The following MORN1 variants were observed in gnomAD, a reference collection of about 807,000 sequenced individuals.
MORN1 encodes MORN repeat-containing protein 1.
In MORN1, 67 loss-of-function variants were observed where a neutral mutation model predicts 61.9. That is an observed-to-expected ratio of 1.08 (90% CI 0.89 to 1.33). MORN1 has a LOEUF of 1.33. Among genes scored for constraint, MORN1 ranks in the 40% most tolerant of loss-of-function variants. The pLI, the probability that MORN1 is intolerant of heterozygous loss-of-function variation, is 0.00. For synonymous variants in MORN1, 301 were observed against 292.0 expected (o/e 1.03, Z -0.31); for missense variants, 752 against 691.2 (o/e 1.09, Z -0.99).
intron 6 of MORN1, chr1:2,379,276 G>A (rs1642318306): frequency 2.5e-6 from 1 of 398,430 alleles, no homozygotes; most frequent in South Asian, 1.9e-5. Flanking sequence ...CAGAGGTGAA[G>A]GCCAGGAGAG....
intron 4 of MORN1, chr1:2,386,764 A>C (rs779625657): frequency 6.6e-6 from 1 of 152,618 alleles, no homozygotes; most frequent in Non-Finnish European, 1.5e-5. Flanking sequence ...CTGGAAAAAG[A>C]AGCTCCGTCT....
intron 10 of MORN1, among the ~76,000 whole-genome samples, chr1:2,339,704 C>G (rs1641353267): frequency 6.6e-6 from 1 of 152,198 alleles, no homozygotes; most frequent in South Asian, 2.1e-4. Context: ...CTCCTGGGTC[C>G]CCCTCGCCCT....
At position 2,387,506 on chromosome 1, in the gene MORN1, C is replaced by T. The variant is rs747985932; in HGVS notation, c.271G>A (p.Val91Ile). 5.0e-6 allele frequency: 8 copies of T among 1,612,814 alleles called. No individual in the cohort carries two copies. In the African/African-American group the frequency reaches 9.3e-5, roughly 19 times the overall value. The change falls in exon 4 of 14, where the codon GTT becomes ATT. Residue 91 changes from valine to isoleucine, a missense_variant. Transcript: ENST00000378531. ...WSGDTFSGQF[V>I]LGEPQGYGVM... is the part of the protein sequence containing the mutation. ...CCGTAGCCTTGAGGCTCTCCCAGAA[C>T]AAACTGTCCAGAGAAGGTGTCTCCT...
intron 7 of MORN1, 97 bp downstream of exon 7, chr1:2,374,364 G>C (rs1465004383): frequency 9.8e-7 from 1 of 1,020,856 alleles, no homozygotes; most frequent in African/African-American, 1.6e-5. Context: ...CCTCCCCAGT[G>C]TGCTCTTGGT....
chr1:2,363,135 T>C (rs1350257049), intron 8 of MORN1: 4 of 152,228 alleles, frequency 2.6e-5, no homozygotes, highest in African/African-American at 9.7e-5. Context: ...GTATTATTAA[T>C]TTTATTACAT....
At chr1:2,371,323 G>C (rs1267744914) in intron 8 of MORN1, 1 of 152,192 alleles carries the variant, frequency 6.6e-6, no homozygotes, top group African/African-American at 2.4e-5. Context: ...GTGAGCCACT[G>C]TGCCTGACTG....
At chr1:2,332,868 C>A in intron 12 of MORN1, 1 of 381,660 alleles carries the variant, frequency 2.6e-6, no homozygotes, top group Non-Finnish European at 5.2e-6. Flanking sequence ...GGCTGCGCCT[C>A]GAGGGGCCAA....
At chr1:2,351,040 G>A (rs533407370) in intron 10 of MORN1, 68 of 152,842 alleles carry the variant, frequency 4.4e-4, no homozygotes, top group Non-Finnish European at 8.2e-4. Flanking sequence ...GGCAGGTGGA[G>A]CAGGGTAGGA....
At chr1:2,347,495 C>A (rs1193238487) in intron 10 of MORN1, among the ~76,000 whole-genome samples, 3 of 152,130 alleles carry the variant, frequency 2.0e-5, no homozygotes, top group Non-Finnish European at 4.4e-5. Context: ...GTGGCTGAGA[C>A]CCTGGCATCT....
chr1:2,359,048 G>T (rs566232604), intron 8 of MORN1, among the ~76,000 whole-genome samples: 1 of 152,256 alleles, frequency 6.6e-6, no homozygotes, highest in Admixed American at 6.5e-5. Flanking sequence ...CCCTGCCCTA[G>T]CCTGGGGCTG....
chr1:2,344,849 C>T (rs115147245), intron 10 of MORN1, among the ~76,000 whole-genome samples: 6,235 of 152,322 alleles, frequency 0.041, 424 homozygotes, highest in African/African-American at 0.14. Flanking sequence ...GCCAAGTCCC[C>T]GAATGCAGAA....
At chr1:2,340,532 G>A (rs1046783574) in intron 10 of MORN1, among the ~76,000 whole-genome samples, 25 of 152,204 alleles carry the variant, frequency 1.6e-4, no homozygotes, top group African/African-American at 6.0e-4. Context: ...CCTGGGGTCT[G>A]GGCCATCATC....
intron 10 of MORN1, chr1:2,350,951 G>C (rs955954386): frequency 6.6e-6 from 1 of 152,424 alleles, no homozygotes; most frequent in Non-Finnish European, 1.5e-5. Context: ...CTCTCCCCAG[G>C]GCAGCCCGAC....
intron 12 of MORN1, among the ~76,000 whole-genome samples, chr1:2,333,583 G>A (rs1641205809): frequency 6.6e-6 from 1 of 152,220 alleles, no homozygotes; most frequent in South Asian, 2.1e-4. Flanking sequence ...ACTCCAGGGT[G>A]CTAGCGGCAG....
At chr1:2,321,874 A>T (rs1029174927) in intron 13 of MORN1, among the ~76,000 whole-genome samples, 2 of 152,188 alleles carry the variant, frequency 1.3e-5, no homozygotes, top group African/African-American at 2.4e-5. Context: ...GCTGGCAAGG[A>T]TGGACACGAC....
chr1:2,349,728 T>C (rs997098690), intron 10 of MORN1, among the ~76,000 whole-genome samples: 3 of 152,138 alleles, frequency 2.0e-5, no homozygotes, highest in Admixed American at 2.0e-4. Flanking sequence ...CGGGCAAGAT[T>C]GAATTAGTGG....
In MORN1 at chr1:2,327,477, CACACAGAAACAGAA is replaced by C. The variant is rs1468316586; in HGVS notation, c.1251-3348_1251-3335del. Among the ~76,000 whole-genome samples the C allele has an allele frequency of 4.7e-5, 7 of 150,164 alleles. No homozygotes were observed. The East Asian group carries it at 9.7e-4, about 21-fold the overall frequency. On this transcript the variant is annotated intron_variant, in intron 12 of 13. Transcript: ENST00000378531. ...CAACACAAACACAGAAACACAGAAA[CACACAGAAACAGAA>C]ACACAGAAACAAACACAGAGACACA...
At chr1:2,389,292 G>A (rs1182658130) in intron 2 of MORN1, among the ~76,000 whole-genome samples, 2 of 152,232 alleles carry the variant, frequency 1.3e-5, no homozygotes, top group South Asian at 2.1e-4. Context: ...GTTTTGAGAC[G>A]GAGTCTCAGT....
chr1:2,321,975 G>T, intron 13 of MORN1: 1 of 970,362 alleles, frequency 1.0e-6, no homozygotes, highest in Non-Finnish European at 1.2e-6. Context: ...TACTTTTTTA[G>T]GAGAAAAATA....
Sources: allele counts gnomAD v4.1 joint callset (sites outside exome capture counted in the v4.1 genomes callset), GRCh38; gene constraint gnomAD v4.1.1; transcripts MANE v1.5; gene names NCBI Gene and HGNC (gene_info 2026-07-23, HGNC 2026-07-21).